DGKB: variants seen among roughly 807,000 people sequenced by gnomAD.
DGKB encodes the protein 90 kDa diacylglycerol kinase.
In DGKB, 67 loss-of-function variants were observed where a neutral mutation model predicts 114.3. That is an observed-to-expected ratio of 0.59 (90% CI 0.48 to 0.72). The LOEUF is 0.72. DGKB is among the 30% of genes least tolerant of loss of function. The pLI, the probability that DGKB is intolerant of heterozygous loss-of-function variation, is 0.00. For missense variants in DGKB, 907 were observed against 975.2 expected, an observed-to-expected ratio of 0.93 and a Z score of 0.93; for synonymous variants, 398 against 323.1, an observed-to-expected ratio of 1.23 and a Z score of -2.49.
At chr7:14,373,918 T>C (rs1382393509) in intron 21 of DGKB, among the ~76,000 whole-genome samples, 1 of 152,162 alleles carries the variant, frequency 6.6e-6, no homozygotes, top group African/African-American at 2.4e-5. Flanking sequence ...GCTGACATAG[T>C]CAAGTGCATG....
intron 25 of DGKB, among the ~76,000 whole-genome samples, chr7:14,165,659 A>G (rs1379165349): frequency 1.3e-5 from 2 of 152,168 alleles, no homozygotes; most frequent in East Asian, 1.9e-4. Flanking sequence ...ATATTTTCCA[A>G]TATATATTAT....
chr7:14,279,287 C>A (rs28784900), intron 23 of DGKB, among the ~76,000 whole-genome samples: 1 of 152,018 alleles, frequency 6.6e-6, no homozygotes, highest in Admixed American at 6.5e-5. Flanking sequence ...AACTGCAAGG[C>A]GGCAGCCAGG....
chr7:14,771,914 T>A (rs967117238), intron 2 of DGKB, among the ~76,000 whole-genome samples: 8 of 152,078 alleles, frequency 5.3e-5, no homozygotes, highest in Non-Finnish European at 1.2e-4. Context: ...ATCTGAGAGA[T>A]TTCTCTGCAC....
intron 23 of DGKB, among the ~76,000 whole-genome samples, chr7:14,269,995 G>A (rs1308544485): frequency 1.4e-5 from 2 of 138,124 alleles, no homozygotes; most frequent in East Asian, 4.5e-4. Flanking sequence ...TTTCTCAATT[G>A]AGGGTCATTG....
At chr7:14,939,660 C>G (rs1249561978) in intron 1 of DGKB, among the ~76,000 whole-genome samples, 1 of 113,222 alleles carries the variant, frequency 8.8e-6, no homozygotes, top group Non-Finnish European at 1.6e-5. Context: ...GACGGAGTCT[C>G]GTTCTGCCCA....
At chr7:14,308,539 T>C (rs1804852132) in intron 23 of DGKB, among the ~76,000 whole-genome samples, 1 of 152,200 alleles carries the variant, frequency 6.6e-6, no homozygotes, top group African/African-American at 2.4e-5. Flanking sequence ...GAAAGTAATA[T>C]TGAGGCATAA....
chr7:14,559,530 A>G (rs1302204786), intron 20 of DGKB, among the ~76,000 whole-genome samples: 1 of 152,204 alleles, frequency 6.6e-6, no homozygotes, highest in East Asian at 1.9e-4. Context: ...ATCTTATGCA[A>G]CCTTCTATTA....
At chr7:14,684,542 T>C (rs1366885143) in intron 10 of DGKB, among the ~76,000 whole-genome samples, 1 of 152,158 alleles carries the variant, frequency 6.6e-6, no homozygotes, top group East Asian at 1.9e-4. Context: ...TAAAATTACT[T>C]AGGTGATTTT....
rs180991261 is a variant in DGKB at position 14,544,905 on chromosome 7, C to T, written c.1770+29307G>A. Among the ~76,000 whole-genome samples, 3 of 152,090 alleles carry T rather than the reference C, an allele frequency of 2.0e-5. No homozygotes were observed. In the East Asian group the frequency reaches 5.8e-4, roughly 29 times the overall value. On this transcript the variant is annotated intron_variant, in intron 20 of 25. Transcript: ENST00000402815. ...CCTCTATCTCTGCTTTCTAGGCTTTCTCCCAAATGTCAATTTTCCCCTTTA... is the reference window on the plus strand; with the variant it reads ...CCTCTATCTCTGCTTTCTAGGCTTTTTCCCAAATGTCAATTTTCCCCTTTA...
chr7:14,705,080 A>T (rs1460975137), intron 6 of DGKB, among the ~76,000 whole-genome samples: 16 of 149,474 alleles, frequency 1.1e-4, no homozygotes, highest in Non-Finnish European at 2.0e-4. Context: ...AAAAAAATTT[A>T]GAAGAATGTA....
chr7:14,410,372 CAT>C (rs1192301437), intron 21 of DGKB, among the ~76,000 whole-genome samples: 1 of 151,944 alleles, frequency 6.6e-6, no homozygotes, highest in African/African-American at 2.4e-5. Flanking sequence ...AAATTCATCT[CAT>C]GTGTATATTC....
intron 21 of DGKB, among the ~76,000 whole-genome samples, chr7:14,420,424 A>AT (rs1293136821): frequency 6.6e-6 from 1 of 152,060 alleles, no homozygotes; most frequent in African/African-American, 2.4e-5. Flanking sequence ...AGAAAATCAC[A>AT]TTTAGAGTAA....
At chr7:14,296,983 A>G (rs559661825) in intron 23 of DGKB, among the ~76,000 whole-genome samples, 112 of 152,322 alleles carry the variant, frequency 7.4e-4, no homozygotes, top group South Asian at 1.9e-3. Flanking sequence ...CTGGACACAT[A>G]CACCCTCCCA....
chr7:14,255,250 T>G (rs1795795001), intron 23 of DGKB, among the ~76,000 whole-genome samples: 1 of 152,174 alleles, frequency 6.6e-6, no homozygotes, highest in Non-Finnish European at 1.5e-5. Context: ...ACATTCCCAT[T>G]TAAGCCTTGG....
At chr7:14,162,803 C>T (rs1784096347) in intron 25 of DGKB, among the ~76,000 whole-genome samples, 1 of 152,036 alleles carries the variant, frequency 6.6e-6, no homozygotes, top group African/African-American at 2.4e-5. Flanking sequence ...AGAAAAAAAT[C>T]TTTAAAATAT....
intron 23 of DGKB, among the ~76,000 whole-genome samples, chr7:14,286,917 C>T (rs953054516): frequency 7.9e-5 from 12 of 152,098 alleles, no homozygotes; most frequent in Middle Eastern, 3.2e-3. Context: ...GCAACCAACA[C>T]ATTCGCCACT....
rs563237599 is a variant in DGKB, at chr7:14,776,571, G to T, written c.71-18840C>A. On this transcript the variant is annotated intron_variant, in intron 2 of 25. Transcript: ENST00000402815. ...ATGACTCGGGCCTTGGCTTCAGAGG[G>T]TGCAAGCCCGAAGCCTTGTTAGCTT... Among the ~76,000 whole-genome samples, 430 of 152,370 alleles carry T rather than the reference G, an allele frequency of 2.8e-3. 2 individuals are homozygous for T. Among genetic ancestry groups the T allele is most frequent in the African/African-American group, 9.6e-3 (401 of 41,592 alleles).
At chr7:14,633,267 G>A (rs969895638) in intron 13 of DGKB, among the ~76,000 whole-genome samples, 1 of 151,876 alleles carries the variant, frequency 6.6e-6, no homozygotes, top group East Asian at 1.9e-4. Flanking sequence ...TGCTAAGGAT[G>A]AGTAGCAGGA....
intron 1 of DGKB, among the ~76,000 whole-genome samples, chr7:14,911,158 C>T (rs1269619989): frequency 1.3e-5 from 2 of 151,360 alleles, no homozygotes; most frequent in African/African-American, 2.4e-5. Context: ...TAGTGATTTC[C>T]AATTACAGTA....
Sources: allele counts gnomAD v4.1 joint callset (sites outside exome capture counted in the v4.1 genomes callset), GRCh38; gene constraint gnomAD v4.1.1; transcripts MANE v1.5; gene names NCBI Gene and HGNC (gene_info 2026-07-23, HGNC 2026-07-21).